Variants in LPP observed in about 807,000 individuals in gnomAD.
LPP encodes the protein LIM domain containing preferred translocation partner in lipoma, also known as lipoma-preferred partner.
Under a neutral mutation model 60.4 loss-of-function variants are expected in LPP, and 38 were observed. The ratio of observed to expected loss-of-function variants is 0.63; its 90% CI spans 0.49 to 0.83. LPP has a LOEUF of 0.83. Ranked by LOEUF, LPP falls within the 40% of genes least tolerant of loss-of-function variation. The probability of loss-of-function intolerance (pLI) is 0.00; values close to 1 mark genes in which losing one functional copy is unlikely to be tolerated. For missense variants in LPP, 902 were observed against 783.6 expected (o/e 1.15, Z -1.80); for synonymous variants, 328 against 290.8 (o/e 1.13, Z -1.30).
At chr3:188,683,890 C>T (rs928098496) in intron 7 of LPP, among the ~76,000 whole-genome samples, 1 of 152,158 alleles carries the variant, frequency 6.6e-6, no homozygotes, top group Non-Finnish European at 1.5e-5. Flanking sequence ...CACGTAGGCA[C>T]AAAAATATCC....
intron 6 of LPP, among the ~76,000 whole-genome samples, chr3:188,539,200 G>T (rs924933877): frequency 3.9e-5 from 6 of 152,150 alleles, no homozygotes; most frequent in Admixed American, 3.9e-4. Flanking sequence ...AAAAGGCTCT[G>T]TATTGAATAA....
intron 3 of LPP, among the ~76,000 whole-genome samples, chr3:188,356,673 G>A (rs374638770): frequency 2.0e-5 from 3 of 152,114 alleles, no homozygotes; most frequent in South Asian, 2.1e-4. Context: ...TGGCTAACCT[G>A]GTCACTATGG....
At chr3:188,238,851 A>G (rs892330771) in intron 2 of LPP, among the ~76,000 whole-genome samples, 1 of 152,192 alleles carries the variant, frequency 6.6e-6, no homozygotes, top group Non-Finnish European at 1.5e-5. Context: ...GTACCTAAAG[A>G]CTTGCTTGAT....
At chr3:188,347,492 G>T (rs985979711) in intron 3 of LPP, among the ~76,000 whole-genome samples, 1 of 152,178 alleles carries the variant, frequency 6.6e-6, no homozygotes, top group Non-Finnish European at 1.5e-5. Flanking sequence ...GAGATGAGGA[G>T]ATGAAGAGTA....
At chr3:188,540,007 C>A (rs993891688) in intron 6 of LPP, among the ~76,000 whole-genome samples, 1 of 152,156 alleles carries the variant, frequency 6.6e-6, no homozygotes, top group Non-Finnish European at 1.5e-5. Flanking sequence ...GCAAACTGCT[C>A]AGCCTCAATC....
chr3:188,240,374 T>TGAGA (rs1186825744), intron 2 of LPP, among the ~76,000 whole-genome samples: 38 of 136,308 alleles, frequency 2.8e-4, no homozygotes, highest in African/African-American at 1.2e-3. Flanking sequence ...TGTGTGTGTG[T>TGAGA]GTGAGAGAGA....
chr3:188,612,293 G>A, intron 7 of LPP, among the ~76,000 whole-genome samples: 1 of 152,096 alleles, frequency 6.6e-6, no homozygotes, highest in Non-Finnish European at 1.5e-5. Context: ...ATAAATTCTG[G>A]GCGCGTTGTG....
chr3:188,843,654 G>C (rs1466278538), intron 9 of LPP, among the ~76,000 whole-genome samples: 1 of 151,292 alleles, frequency 6.6e-6, no homozygotes, highest in African/African-American at 2.4e-5. Context: ...GGGCGCAGTG[G>C]GGGGCGCCTG....
chr3:188,649,528 C>T (rs1390771915), intron 7 of LPP, among the ~76,000 whole-genome samples: 7 of 152,158 alleles, frequency 4.6e-5, no homozygotes, highest in Non-Finnish European at 8.8e-5. Context: ...CCTTTCCATG[C>T]GGGAAGTGAT....
chr3:188,440,912 G>C (rs900081435), intron 4 of LPP, among the ~76,000 whole-genome samples: 2 of 151,124 alleles, frequency 1.3e-5, no homozygotes, highest in African/African-American at 4.9e-5. Flanking sequence ...AAAATTGTAT[G>C]ATAATGAGAA....
chr3:188,240,819 G>A (rs536614047), intron 2 of LPP, among the ~76,000 whole-genome samples: 9 of 152,094 alleles, frequency 5.9e-5, no homozygotes, highest in Non-Finnish European at 1.3e-4. Flanking sequence ...GCAGACACAC[G>A]AGCAGAGATC....
rs904786706 is a variant in LPP, at chr3:188,398,789, GC to G, written c.-9-7321del. Among the ~76,000 whole-genome samples the G allele has an allele frequency of 8.5e-5, 13 of 152,328 alleles. 3 individuals carry two copies. The highest frequency in any genetic ancestry group is 5.8e-4 in the East Asian group (3 of 5,184). On this transcript the variant is annotated intron_variant, in intron 3 of 11. Coordinates refer to ENST00000617246, the MANE Select transcript of LPP (RefSeq NM_001375462.1). ...GACTTACCCCGTTTGGAAAAGGTTT[GC>G]CTAAATACTTATTTACTTGTGCATG...
chr3:188,604,029 G>C (rs1841944472), intron 6 of LPP, among the ~76,000 whole-genome samples: 1 of 152,088 alleles, frequency 6.6e-6, no homozygotes, highest in Admixed American at 6.6e-5. Context: ...TTTAAACGTT[G>C]ACCTTTTGCT....
intron 1 of LPP, among the ~76,000 whole-genome samples, chr3:188,164,227 T>C (rs185083228): frequency 6.6e-6 from 1 of 152,288 alleles, no homozygotes; most frequent in African/African-American, 2.4e-5. Context: ...GGCAGCTGAA[T>C]TGCTCTGGCT....
intron 3 of LPP, among the ~76,000 whole-genome samples, chr3:188,361,860 GCCTAGCCCCTCTAGGTTTTCTTAAGAAAA>G (rs1399395196): frequency 3.9e-5 from 6 of 152,190 alleles, no homozygotes; most frequent in Admixed American, 1.3e-4. Flanking sequence ...GAGCCACTGT[GCCTAGCCCCTCTAGGTTTTCTTAAGAAAA>G]CCTATCTATT....
At chr3:188,371,540 A>G (rs1341931881) in intron 3 of LPP, among the ~76,000 whole-genome samples, 1 of 146,740 alleles carries the variant, frequency 6.8e-6, no homozygotes, top group Admixed American at 6.9e-5. Flanking sequence ...GAAAAACATC[A>G]TATTAATAAT....
intron 6 of LPP, among the ~76,000 whole-genome samples, chr3:188,560,237 C>T (rs1315877437): frequency 1.3e-5 from 2 of 152,062 alleles, no homozygotes; most frequent in African/African-American, 4.8e-5. Context: ...GGGTCTCTGA[C>T]GCATCTCTGC....
intron 2 of LPP, among the ~76,000 whole-genome samples, chr3:188,311,392 T>C (rs1224366110): frequency 6.6e-6 from 1 of 152,022 alleles, no homozygotes; most frequent in Non-Finnish European, 1.5e-5. Flanking sequence ...GGCAGGAACA[T>C]TGCTTGAGAG....
chr3:188,836,965 A>T (rs1428528661), intron 9 of LPP, among the ~76,000 whole-genome samples: 1 of 152,188 alleles, frequency 6.6e-6, no homozygotes, highest in African/African-American at 2.4e-5. Flanking sequence ...TGCCTCATTT[A>T]TTGGCAGTGA....
Sources: gnomAD v4.1 joint callset for allele counts (sites outside exome capture counted in the v4.1 genomes callset) on GRCh38, gnomAD v4.1.1 for gene constraint, MANE v1.5 for transcripts, NCBI Gene and HGNC (gene_info 2026-07-23, HGNC 2026-07-21) for gene names.